The following SV2C variants were observed in gnomAD, a reference collection of about 807,000 sequenced individuals.
SV2C encodes the protein synaptic vesicle glycoprotein 2C.
SV2C carries 49 observed loss-of-function variants against 79.7 expected under a neutral mutation model. The observed-to-expected ratio is 0.61, with a 90% CI of 0.49 to 0.78. The LOEUF (loss-of-function observed/expected upper bound fraction) is 0.78, where lower values mean the gene tolerates loss of function less well. Ranked by LOEUF, SV2C falls within the 30% of genes least tolerant of loss-of-function variation. SV2C has a pLI of 0.00. For missense variants in SV2C, 833 were observed against 912.9 expected, an observed-to-expected ratio of 0.91 and a Z score of 1.13; for synonymous variants, 334 against 333.2, an observed-to-expected ratio of 1.00 and a Z score of -0.03.
chr5:76,098,580 T>A (rs1415369705), intron 1 of SV2C, among the ~76,000 whole-genome samples: 3 of 152,252 alleles, frequency 2.0e-5, no homozygotes, highest in Non-Finnish European at 4.4e-5. Flanking sequence ...TCCCAAACAT[T>A]CATCACTCTG....
the SV2C span, among the ~76,000 whole-genome samples, chr5:76,066,212 T>C: frequency 2.0e-5 from 3 of 151,752 alleles, no homozygotes; most frequent in Admixed American, 6.6e-5. Context: ...TGTCCAAAAA[T>C]GATAGACTGG....
At chr5:76,334,740 T>C (rs761874578), downstream of SV2C, among the ~76,000 whole-genome samples, 8 of 152,220 alleles carry the variant, frequency 5.3e-5, no homozygotes, top group Non-Finnish European at 1.0e-4. Context: ...TTATGTCTCA[T>C]TGGCTGGATT....
the SV2C span, among the ~76,000 whole-genome samples, chr5:75,850,244 T>G: frequency 1.3e-5 from 2 of 152,356 alleles, no homozygotes; most frequent in East Asian, 3.9e-4. Flanking sequence ...AAGTACTTCT[T>G]TCTGTGCAGA....
the SV2C span, among the ~76,000 whole-genome samples, chr5:75,909,308 A>G: frequency 1.3e-5 from 2 of 152,268 alleles, no homozygotes; most frequent in South Asian, 2.1e-4. Flanking sequence ...ATTTGGAGAC[A>G]GTACTGGCGT....
the SV2C span, among the ~76,000 whole-genome samples, chr5:75,990,313 G>A: frequency 2.6e-5 from 4 of 151,644 alleles, no homozygotes; most frequent in South Asian, 2.1e-4. Flanking sequence ...TCTTGAGTTC[G>A]TTTTTAAATA....
rs1747999761 is a variant in SV2C at position 76,301,516 on chromosome 5, C to T, written c.1971C>T (p.Val657=). The change falls in exon 12 of 13, where the codon GTC becomes GTT. Residue 657 remains valine, a synonymous_variant. Coordinates refer to ENST00000502798, the MANE Select transcript of SV2C (RefSeq NM_014979.4). The part of the protein sequence containing the change: ...TISAWNSLDV[V]TVELYPTDRR... ...CAGCCTGGAACTCTCTTGACGTGGT[C>T]ACTGTGGAACTGTACCCCACAGACC... 5 of 1,613,980 alleles carry T rather than the reference C, an allele frequency of 3.1e-6. No individual in the cohort carries two copies. The highest frequency in any genetic ancestry group is 3.3e-4 in the Middle Eastern group (2 of 6,008).
intron 1 of SV2C, among the ~76,000 whole-genome samples, chr5:76,109,134 A>C (rs571511175): frequency 6.6e-6 from 1 of 152,366 alleles, no homozygotes; most frequent in South Asian, 2.1e-4. Flanking sequence ...GTATTACTAC[A>C]TATATCTTTA....
At chr5:76,030,142 A>G in the SV2C span, among the ~76,000 whole-genome samples, 4 of 152,096 alleles carry the variant, frequency 2.6e-5, no homozygotes, top group South Asian at 2.1e-4. Context: ...AGTAACTAAC[A>G]AAGGCTTTAT....
At chr5:75,947,664 C>G in the SV2C span, among the ~76,000 whole-genome samples, 1 of 152,072 alleles carries the variant, frequency 6.6e-6, no homozygotes, top group Admixed American at 6.6e-5. Context: ...CTGAGTTACC[C>G]AAGGGCAGAG....
At chr5:75,931,988 TC>T in the SV2C span, among the ~76,000 whole-genome samples, 1 of 152,164 alleles carries the variant, frequency 6.6e-6, no homozygotes, top group African/African-American at 2.4e-5. Context: ...TAGCCTCTGA[TC>T]CAGGCTCCAT....
At chr5:76,128,905 A>T (rs114991265) in intron 1 of SV2C, among the ~76,000 whole-genome samples, 1,563 of 152,300 alleles carry the variant, frequency 0.01, 21 homozygotes, top group African/African-American at 0.027. Context: ...TGCTGCTTTA[A>T]TTCAAGCATA....
chr5:75,977,381 C>T, the SV2C span, among the ~76,000 whole-genome samples: 3 of 152,294 alleles, frequency 2.0e-5, no homozygotes, highest in South Asian at 6.2e-4. Context: ...CACCAATCTG[C>T]TTTTTGTTCC....
the SV2C span, among the ~76,000 whole-genome samples, chr5:75,952,257 TCC>T: frequency 3.7e-5 from 4 of 106,774 alleles, no homozygotes; most frequent in South Asian, 1.1e-3. Context: ...TTTCCTTCCT[TCC>T]TTCCTTCCTT....
intron 4 of SV2C, among the ~76,000 whole-genome samples, chr5:76,270,404 G>C (rs1189391344): frequency 6.6e-6 from 1 of 152,246 alleles, no homozygotes; most frequent in African/African-American, 2.4e-5. Context: ...ATCATTAGAA[G>C]TGTAATCACA....
At chr5:76,255,261 A>G (rs1343541329) in intron 4 of SV2C, among the ~76,000 whole-genome samples, 3 of 152,218 alleles carry the variant, frequency 2.0e-5, no homozygotes, top group Non-Finnish European at 4.4e-5. Context: ...ATCATAAAGT[A>G]TATGTTTCTA....
intron 2 of SV2C, among the ~76,000 whole-genome samples, chr5:76,194,047 C>G (rs1744189891): frequency 6.6e-6 from 1 of 152,130 alleles, no homozygotes; most frequent in Admixed American, 6.5e-5. Context: ...TTTCTGTAGT[C>G]AGATAATTCA....
the SV2C span, among the ~76,000 whole-genome samples, chr5:75,987,114 A>T: frequency 6.6e-6 from 1 of 152,062 alleles, no homozygotes; most frequent in East Asian, 1.9e-4. Flanking sequence ...TCAATGCAAA[A>T]TGAAGCTCAC....
In SV2C at chr5:76,285,862, G is replaced by A. The variant is rs776849848; in HGVS notation, c.1129G>A (p.Val377Ile). The A allele has an allele frequency of 1.5e-5, 24 of 1,613,852 alleles. No homozygotes were observed. Among genetic ancestry groups the A allele is most frequent in the East Asian group, 2.2e-5 (1 of 44,860 alleles). The part of the protein sequence containing the change: ...NMRARGQPEK[V>I]FTVNKIKTPK... Reference sequence around the variant, plus strand: ...GAGAGCCCGGGGTCAGCCTGAGAAGGTCTTCACGGTGAGTCTTCTCCCCAG... The same window carrying A: ...GAGAGCCCGGGGTCAGCCTGAGAAGATCTTCACGGTGAGTCTTCTCCCCAG... Residue 377 changes from valine to isoleucine, a missense_variant, in exon 6 of 13, where the codon GTC becomes ATC. Val to Ile is a conservative substitution (Grantham distance 29). Transcript: ENST00000502798.
At chr5:76,319,606 T>C (rs965688781) in intron 12 of SV2C, among the ~76,000 whole-genome samples, 3 of 152,098 alleles carry the variant, frequency 2.0e-5, no homozygotes, top group Non-Finnish European at 4.4e-5. Context: ...TAAATGAAAA[T>C]GGAGATTCTT....
Sources: allele counts gnomAD v4.1 joint callset (sites outside exome capture counted in the v4.1 genomes callset), GRCh38; gene constraint gnomAD v4.1.1; transcripts MANE v1.5; gene names NCBI Gene and HGNC (gene_info 2026-07-23, HGNC 2026-07-21).